ADIPOR2: variants seen among roughly 807,000 people sequenced by gnomAD.
ADIPOR2 encodes adiponectin receptor protein 2.
A neutral mutation model predicts 40.9 loss-of-function variants in ADIPOR2; 18 were observed. The observed-to-expected ratio is 0.44, with a 90% CI of 0.30 to 0.65. The LOEUF is 0.65. ADIPOR2 is among the 30% of genes least tolerant of loss of function. The pLI, the probability that ADIPOR2 is intolerant of heterozygous loss-of-function variation, is 0.09. For synonymous variants in ADIPOR2, 165 were observed against 166.4 expected (o/e 0.99, Z 0.06); for missense variants, 283 against 479.2 (o/e 0.59, Z 3.82).
At chr12:1,784,767 CTT>C in intron 7 of ADIPOR2, among the ~76,000 whole-genome samples, 1 of 152,240 alleles carries the variant, frequency 6.6e-6, no homozygotes, top group Admixed American at 6.5e-5. Flanking sequence ...GATAGAAAAA[CTT>C]ATAACCAAAG....
chr12:1,760,116 C>G (rs1232184135), intron 2 of ADIPOR2, among the ~76,000 whole-genome samples: 2 of 151,946 alleles, frequency 1.3e-5, no homozygotes, highest in Non-Finnish European at 2.9e-5. Flanking sequence ...AAACCCAAAC[C>G]AGTGCCTAAT....
At chr12:1,693,101 G>A (rs2094630541) in intron 1 of ADIPOR2, among the ~76,000 whole-genome samples, 1 of 152,158 alleles carries the variant, frequency 6.6e-6, no homozygotes, top group Non-Finnish European at 1.5e-5. Context: ...GTTGCAGTGA[G>A]CCAAGATTGC....
chr12:1,757,053 C>T (rs1195151050), intron 2 of ADIPOR2, among the ~76,000 whole-genome samples: 1 of 152,032 alleles, frequency 6.6e-6, no homozygotes, highest in Non-Finnish European at 1.5e-5. Flanking sequence ...TTTTATTTAC[C>T]TCTGTTTCTT....
intron 1 of ADIPOR2, among the ~76,000 whole-genome samples, chr12:1,701,985 G>C (rs1429546523): frequency 6.6e-6 from 1 of 152,134 alleles, no homozygotes; most frequent in African/African-American, 2.4e-5. Flanking sequence ...AGCTGGGCGG[G>C]GTGGCGCGTG....
At chr12:1,747,289 G>A (rs2094757627) in intron 1 of ADIPOR2, among the ~76,000 whole-genome samples, 1 of 152,012 alleles carries the variant, frequency 6.6e-6, no homozygotes, top group Non-Finnish European at 1.5e-5. Context: ...GAATGAAAGT[G>A]GAAATATGAG....
At chr12:1,762,777 A>G (rs1408480292) in intron 2 of ADIPOR2, among the ~76,000 whole-genome samples, 2 of 152,200 alleles carry the variant, frequency 1.3e-5, no homozygotes, top group Non-Finnish European at 2.9e-5. Context: ...AGATGAGGAA[A>G]CTGAGGTTTC....
At chr12:1,774,249 T>A (rs545338275) in intron 3 of ADIPOR2, among the ~76,000 whole-genome samples, 3 of 152,306 alleles carry the variant, frequency 2.0e-5, no homozygotes, top group African/African-American at 7.2e-5. Context: ...TTTTGTCCTC[T>A]CCCTTTCTGA....
In ADIPOR2 at chr12:1,780,869, AT is replaced by A. The variant is rs745813254; in HGVS notation, c.651-10del. ...GTTTTTAAATTACTGCATTAAATGGATTTTTTTTTTCTGTCATAGACTGGAT... is the reference window on the plus strand; with the variant it reads ...GTTTTTAAATTACTGCATTAAATGGATTTTTTTTTCTGTCATAGACTGGAT... On this transcript the variant is annotated intron_variant, in intron 5 of 7. Transcript: ENST00000357103. The A allele has an allele frequency of 4.0e-4, 595 of 1,475,226 alleles. No homozygotes were observed. Among genetic ancestry groups the A allele is most frequent in the Admixed American group, 1.0e-3 (47 of 46,900 alleles). The allele number at this position is 1,475,226 out of a possible 1,614,324, so 91.4% of individuals were successfully genotyped here.
At chr12:1,708,144 A>G (rs190427577) in intron 1 of ADIPOR2, among the ~76,000 whole-genome samples, 62 of 152,142 alleles carry the variant, frequency 4.1e-4, no homozygotes, top group Non-Finnish European at 7.4e-4. Flanking sequence ...TAATCTAGAG[A>G]TTGATTTAAA....
chr12:1,786,790 T>C lies in ADIPOR2; in HGVS notation c.*718T>C, dbSNP rs1327680917. 2 of 152,496 alleles carry C rather than the reference T, an allele frequency of 1.3e-5. 1 individual carries two copies. The highest frequency in any genetic ancestry group is 4.2e-4 in the South Asian group (2 of 4,818). 9.4% of individuals were successfully genotyped at this position (152,496 alleles called of 1,614,324 possible). A position where few individuals can be genotyped will look rare whatever the true frequency, so the allele number is the denominator to read the frequency against. On this transcript the variant is annotated 3_prime_UTR_variant, in exon 8 of 8. Coordinates refer to ENST00000357103, the MANE Select transcript of ADIPOR2 (RefSeq NM_024551.3). ...CCTAATGGGGCAGAGAGTATAGCCC[T>C]AGCCCAGTGGTGACATGACCACTCC...
intron 6 of ADIPOR2, 72 bp downstream of exon 6, chr12:1,781,148 C>A: frequency 7.1e-7 from 1 of 1,410,496 alleles, no homozygotes; most frequent in South Asian, 1.5e-5. Flanking sequence ...TATTAAAGTT[C>A]TACCATTTGC....
rs1201266637 is a variant in ADIPOR2, at chr12:1,737,818, C to G, written c.-86-16440C>G. 3.9e-5 allele frequency among the ~76,000 whole-genome samples: 6 copies of G among 152,174 alleles called. No homozygotes were observed. The East Asian group carries it at 9.6e-4, about 24-fold the overall frequency. On this transcript the variant is annotated intron_variant, in intron 1 of 7. Coordinates refer to ENST00000357103, the MANE Select transcript of ADIPOR2 (RefSeq NM_024551.3). ...CTGCCCATCTTGGCTTCCCAAAGTGCTAGGATTACAGGCGGAGCCACTGCG... is the reference window on the plus strand; with the variant it reads ...CTGCCCATCTTGGCTTCCCAAAGTGGTAGGATTACAGGCGGAGCCACTGCG...
At chr12:1,780,667 C>A in intron 5 of ADIPOR2, 30 bp downstream of exon 5, 1 of 1,519,476 alleles carries the variant, frequency 6.6e-7, no homozygotes, top group South Asian at 1.3e-5. Flanking sequence ...GTATTTTGGC[C>A]AATGATTTAG....
intron 1 of ADIPOR2, among the ~76,000 whole-genome samples, chr12:1,744,229 C>A (rs1009233017): frequency 6.6e-6 from 1 of 151,940 alleles, no homozygotes; most frequent in Non-Finnish European, 1.5e-5. Context: ...GTCAGCCTCC[C>A]GAGTAGCTGG....
chr12:1,707,895 A>G (rs973899469), intron 1 of ADIPOR2, among the ~76,000 whole-genome samples: 3 of 152,184 alleles, frequency 2.0e-5, no homozygotes, highest in African/African-American at 7.2e-5. Flanking sequence ...AAAGCTTTTA[A>G]AAATTACTGA....
rs531779111 is a variant in ADIPOR2, at chr12:1,759,251, A to G, written c.171+4737A>G. 3.9e-5 allele frequency among the ~76,000 whole-genome samples: 6 copies of G among 152,338 alleles called. No individual in the cohort carries two copies. The South Asian group carries it at 1.0e-3, about 26-fold the overall frequency. ...TGAAAGCAAATAGAACGAATATATC[A>G]TAGTACAGTCATTCACATTTCTAAC... On this transcript the variant is annotated intron_variant, in intron 2 of 7. Coordinates refer to ENST00000357103, the MANE Select transcript of ADIPOR2 (RefSeq NM_024551.3).
intron 2 of ADIPOR2, among the ~76,000 whole-genome samples, chr12:1,755,072 C>T (rs1418169085): frequency 1.1e-5 from 1 of 88,430 alleles, no homozygotes; most frequent in East Asian, 3.3e-4. Context: ...TAATGTCTTT[C>T]TGCTGACTCT....
chr12:1,708,594 C>A (rs1036614982), intron 1 of ADIPOR2, among the ~76,000 whole-genome samples: 3 of 152,150 alleles, frequency 2.0e-5, no homozygotes, highest in African/African-American at 7.2e-5. Context: ...ATATGAATAT[C>A]CAGTTGTTCA....
intron 1 of ADIPOR2, among the ~76,000 whole-genome samples, chr12:1,723,766 G>A (rs990127107): frequency 1.2e-4 from 19 of 152,114 alleles, no homozygotes; most frequent in African/African-American, 4.3e-4. Context: ...AAACAGTAAC[G>A]TGAGTCCTCA....
Sources: gnomAD v4.1 joint callset for allele counts (sites outside exome capture counted in the v4.1 genomes callset) on GRCh38, gnomAD v4.1.1 for gene constraint, MANE v1.5 for transcripts, NCBI Gene and HGNC (gene_info 2026-07-23, HGNC 2026-07-21) for gene names.